GOLGA4: variants seen among roughly 807,000 people sequenced by gnomAD.
GOLGA4 encodes golgin A4, also known as golgin subfamily A member 4.
Under a neutral mutation model 265.9 loss-of-function variants are expected in GOLGA4, and 169 were observed. The ratio of observed to expected loss-of-function variants is 0.64; its 90% CI spans 0.56 to 0.72. GOLGA4 has a LOEUF of 0.72. Among genes scored for constraint, GOLGA4 ranks in the 30% least tolerant of loss-of-function variants. The pLI is 0.00. For synonymous variants in GOLGA4, 923 were observed against 855.8 expected, an observed-to-expected ratio of 1.08 and a Z score of -1.37; for missense variants, 2,482 against 2,483.4, an observed-to-expected ratio of 1.00 and a Z score of 0.01.
chr3:37,363,034 G>A (rs1244516308), intron 23 of GOLGA4, among the ~76,000 whole-genome samples: 10 of 151,796 alleles, frequency 6.6e-5, no homozygotes, highest in African/African-American at 2.2e-4. Flanking sequence ...TGCCCACCTT[G>A]GCCTCCCAAA....
In GOLGA4 at chr3:37,315,436, A is replaced by G. The variant is rs775208740; in HGVS notation, c.1251A>G (p.Glu417=). ...TCATTATAGCTTTTGAGGAACTTGA[A>G]AAAGCTTTGAGTACAGCCCAAAAAA... is the stretch of plus-strand genomic sequence containing the variant. ...KSERAAFEEL[E]KALSTAQKTE... is the part of the protein sequence containing the mutation. Residue 417 remains glutamate (E), a synonymous_variant, in exon 11 of 24, where the codon GAA becomes GAG. Coordinates refer to ENST00000361924, the MANE Select transcript of GOLGA4 (RefSeq NM_002078.5). 3 of 1,611,236 alleles carry G rather than the reference A, an allele frequency of 1.9e-6. No individual in the cohort carries two copies. The highest frequency in any genetic ancestry group is 2.5e-6 in the Non-Finnish European group (3 of 1,179,274).
At chr3:37,355,248 C>A (rs950475381) in intron 22 of GOLGA4, 61 bp downstream of exon 22, 3 of 869,330 alleles carry the variant, frequency 3.5e-6, no homozygotes, top group Admixed American at 1.8e-5. Flanking sequence ...TATTCTGTCT[C>A]ATTTATAAGG....
intron 5 of GOLGA4, among the ~76,000 whole-genome samples, chr3:37,289,820 G>A (rs1392363430): frequency 6.6e-6 from 1 of 152,156 alleles, no homozygotes; most frequent in East Asian, 1.9e-4. Context: ...TTCTCCTGCT[G>A]TCAGGTCCAT....
chr3:37,328,297 C>G (rs2096978997), intron 14 of GOLGA4, 119 bp from the exon 15 acceptor site: 7 of 889,614 alleles, frequency 7.9e-6, no homozygotes. Context: ...CTCTCTCTCT[C>G]TCTCAAAAAT....
chr3:37,340,439 G>A (rs1402576941), intron 20 of GOLGA4, among the ~76,000 whole-genome samples: 2 of 151,982 alleles, frequency 1.3e-5, no homozygotes, highest in Non-Finnish European at 2.9e-5. Flanking sequence ...CCTTTTTTGT[G>A]TGTGTGTGAT....
intron 1 of GOLGA4, among the ~76,000 whole-genome samples, chr3:37,247,695 A>G (rs1020845378): frequency 6.6e-6 from 1 of 152,204 alleles, no homozygotes; most frequent in African/African-American, 2.4e-5. Context: ...TTGCAAGGCT[A>G]AAATCAATAT....
chr3:37,364,673 A>T (rs1286395220), intron 23 of GOLGA4, among the ~76,000 whole-genome samples: 5 of 148,496 alleles, frequency 3.4e-5, no homozygotes, highest in African/African-American at 1.0e-4. Context: ...TGCAGCCTTG[A>T]CCTCCTGGGC....
chr3:37,282,676 TATTACTG>T (rs2096838001), intron 3 of GOLGA4, among the ~76,000 whole-genome samples: 1 of 152,214 alleles, frequency 6.6e-6, no homozygotes, highest in African/African-American at 2.4e-5. Flanking sequence ...AGAGTCCCAT[TATTACTG>T]ATTCTAAAAT....
At chr3:37,290,200 G>A (rs1200297010) in intron 5 of GOLGA4, among the ~76,000 whole-genome samples, 1 of 152,152 alleles carries the variant, frequency 6.6e-6, no homozygotes, top group African/African-American at 2.4e-5. Flanking sequence ...TAGTATAATT[G>A]TGGGAGGAGG....
intron 19 of GOLGA4, among the ~76,000 whole-genome samples, chr3:37,339,056 G>T (rs1241636777): frequency 6.6e-6 from 1 of 151,852 alleles, no homozygotes; most frequent in Non-Finnish European, 1.5e-5. Flanking sequence ...TAGAGACGGG[G>T]TTTCACCATG....
At chr3:37,276,615 A>C in intron 2 of GOLGA4, 2 of 1,553,882 alleles carry the variant, frequency 1.3e-6, no homozygotes, top group Non-Finnish European at 1.8e-6. Flanking sequence ...AGAATTGGCA[A>C]AATATCTGGA....
chr3:37,328,430 A>T lies in GOLGA4; in HGVS notation c.5954A>T (p.Asp1985Val), dbSNP rs763418759. Residue 1985 changes from aspartate (D) to valine (V), a missense_variant, in exon 15 of 24, where the codon GAT becomes GTT. Physicochemically the swap from Asp to Val is radical, Grantham distance 152 (BLOSUM62 -3). This residue lies in a region of GOLGA4 where 942 missense variants were observed against 983.1 expected (regional missense o/e 0.96). Transcript: ENST00000361924. ...REEKIKQEQE[D>V]LELKHNSTLK... ...TTATTACTCAGACAGGAGCAGGAAGATCTTGAACTGAAGCACAATTCCACA... is the reference window on the plus strand; with the variant it reads ...TTATTACTCAGACAGGAGCAGGAAGTTCTTGAACTGAAGCACAATTCCACA... The T allele has an allele frequency of 2.5e-6, 4 of 1,612,796 alleles. No individual in the cohort carries two copies. The highest frequency in any genetic ancestry group is 1.1e-5 in the South Asian group (1 of 90,934).
At chr3:37,332,788 C>G (rs1333254190) in intron 16 of GOLGA4, among the ~76,000 whole-genome samples, 2 of 151,756 alleles carry the variant, frequency 1.3e-5, no homozygotes, top group African/African-American at 4.8e-5. Context: ...TATTTTTTTC[C>G]CCTTTCCTAC....
chr3:37,344,939 G>A (rs902264136), intron 20 of GOLGA4, among the ~76,000 whole-genome samples: 1 of 152,156 alleles, frequency 6.6e-6, no homozygotes, highest in Non-Finnish European at 1.5e-5. Context: ...TCTTGGCTGG[G>A]CACAGTGACT....
In GOLGA4 at chr3:37,243,608, C is replaced by T. The variant is rs2096708743; in HGVS notation, c.58C>T (p.Leu20=). The change falls in exon 1 of 24, where the codon CTG becomes TTG. Residue 20 remains leucine (L), a synonymous_variant. Coordinates refer to ENST00000361924, the MANE Select transcript of GOLGA4 (RefSeq NM_002078.5). ...SEEQQQLQQA[L]APAQASSNSS... ...GGAGCAGCAGCAGCTCCAGCAGGCG[C>T]TGGCTCCTGCTCAGGTACGATGGCC... 1 of 1,613,134 alleles carries T rather than the reference C, an allele frequency of 6.2e-7. No homozygotes were observed. Among genetic ancestry groups the T allele is most frequent in the African/African-American group, 1.3e-5 (1 of 75,062 alleles).
intron 1 of GOLGA4, among the ~76,000 whole-genome samples, chr3:37,245,925 C>G (rs2096718259): frequency 1.3e-5 from 2 of 152,252 alleles, no homozygotes; most frequent in African/African-American, 2.4e-5. Context: ...ATATATTTTT[C>G]TCCTTGCTTG....
At chr3:37,267,859 T>G (rs1381439378) in intron 2 of GOLGA4, among the ~76,000 whole-genome samples, 1 of 152,208 alleles carries the variant, frequency 6.6e-6, no homozygotes, top group East Asian at 1.9e-4. Flanking sequence ...GAAGACTTGG[T>G]ATGCATATGG....
At chr3:37,254,137 CA>C (rs1560273669) in intron 2 of GOLGA4, among the ~76,000 whole-genome samples, 1 of 152,066 alleles carries the variant, frequency 6.6e-6, no homozygotes, top group Non-Finnish European at 1.5e-5. Context: ...GAAATGATGC[CA>C]TTAATACTGA....
chr3:37,280,578 T>C (rs922110718), intron 2 of GOLGA4, among the ~76,000 whole-genome samples: 3 of 152,264 alleles, frequency 2.0e-5, no homozygotes, highest in Admixed American at 2.0e-4. Flanking sequence ...GAATAAGGAG[T>C]ACTTAGTCAA....
Sources: allele counts gnomAD v4.1 joint callset (sites outside exome capture counted in the v4.1 genomes callset), GRCh38; gene constraint gnomAD v4.1.1; regional missense constraint gnomAD v4.1.1; transcripts MANE v1.5; gene names NCBI Gene and HGNC (gene_info 2026-07-23, HGNC 2026-07-21).